Variants in RPRD2 observed in about 807,000 individuals in gnomAD.
The protein encoded by RPRD2 is regulation of nuclear pre-mRNA domain-containing protein 2.
A neutral mutation model predicts 104.4 loss-of-function variants in RPRD2; 12 were observed. That is an observed-to-expected ratio of 0.11 (90% CI 0.07 to 0.19). The LOEUF is 0.19. Among genes scored for constraint, RPRD2 ranks in the 10% least tolerant of loss-of-function variants. The pLI is 1.00. For missense variants in RPRD2, 1,543 were observed against 1,790.1 expected (o/e 0.86, Z 2.49); for synonymous variants, 714 against 684.9 (o/e 1.04, Z -0.66).
rs138291213 is a variant in RPRD2 at position 150,378,907 on chromosome 1, C to T, written c.205+13988C>T. Among the ~76,000 whole-genome samples, 66 of 147,070 alleles carry T rather than the reference C, an allele frequency of 4.5e-4. 1 individual carries two copies. In the East Asian group the frequency reaches 0.011, roughly 25 times the overall value. ...CTGAGGCAGGATAATCCCTTGGACC[C>T]GGAGGTGGAAGTTGCAGTGAGCCGA... On this transcript the variant is annotated intron_variant, in intron 1 of 10. Transcript: ENST00000369068.
Position 150,439,367 on chromosome 1 carries a change from G to A in RPRD2, c.336-1556G>A, listed in dbSNP as rs587773969. 4.6e-5 allele frequency among the ~76,000 whole-genome samples: 7 copies of A among 151,042 alleles called. No homozygotes were observed. The South Asian group carries it at 1.3e-3, about 27-fold the overall frequency. On this transcript the variant is annotated intron_variant, in intron 2 of 10. Transcript: ENST00000369068. ...ACAATAAAGCAAATATTGCAATAAA[G>A]CATGTCACACGCAGGTGGATCGCTT...
intron 10 of RPRD2, among the ~76,000 whole-genome samples, chr1:150,466,605 T>C (rs1307072995): frequency 6.6e-6 from 1 of 151,840 alleles, no homozygotes; most frequent in Non-Finnish European, 1.5e-5. Flanking sequence ...TAATGTTTTA[T>C]AGAGGCTTCA....
intron 2 of RPRD2, among the ~76,000 whole-genome samples, chr1:150,426,412 G>C (rs1316083405): frequency 6.6e-5 from 10 of 152,130 alleles, no homozygotes; most frequent in African/African-American, 2.4e-4. Flanking sequence ...TCGTGCTTCA[G>C]TTTTCCCATC....
intron 1 of RPRD2, among the ~76,000 whole-genome samples, chr1:150,388,340 A>G (rs1270560103): frequency 6.8e-6 from 1 of 147,826 alleles, no homozygotes; most frequent in Non-Finnish European, 1.5e-5. Flanking sequence ...ATACATGTGT[A>G]TATACACACA....
chr1:150,412,724 A>G (rs879997000), intron 1 of RPRD2, among the ~76,000 whole-genome samples: 10 of 152,168 alleles, frequency 6.6e-5, no homozygotes, highest in Admixed American at 4.6e-4. Flanking sequence ...ATGATAAATA[A>G]TTGGACAATT....
At chr1:150,439,331 T>C (rs1214826206) in intron 2 of RPRD2, among the ~76,000 whole-genome samples, 4 of 152,118 alleles carry the variant, frequency 2.6e-5, no homozygotes, top group African/African-American at 9.7e-5. Flanking sequence ...AGATTTCAGT[T>C]CCAAACCACC....
At chr1:150,404,663 A>G (rs1047262511) in intron 1 of RPRD2, among the ~76,000 whole-genome samples, 1 of 152,086 alleles carries the variant, frequency 6.6e-6, no homozygotes, top group Non-Finnish European at 1.5e-5. Flanking sequence ...TGCCCAGGCT[A>G]GTCTCAAACT....
At chr1:150,428,655 C>T (rs1322064979) in intron 2 of RPRD2, among the ~76,000 whole-genome samples, 1 of 151,908 alleles carries the variant, frequency 6.6e-6, no homozygotes, top group Admixed American at 6.6e-5. Flanking sequence ...CAACCCATTA[C>T]TTAGTCTTTT....
At chr1:150,425,168 TTAA>T (rs1383109172) in intron 2 of RPRD2, among the ~76,000 whole-genome samples, 3 of 152,066 alleles carry the variant, frequency 2.0e-5, no homozygotes, top group African/African-American at 4.8e-5. Flanking sequence ...AACTAAAGAG[TTAA>T]TAATATATAT....
chr1:150,422,510 T>C (rs1163649761), intron 2 of RPRD2, among the ~76,000 whole-genome samples: 1 of 152,030 alleles, frequency 6.6e-6, no homozygotes, highest in Non-Finnish European at 1.5e-5. Flanking sequence ...TGGCAGGTAA[T>C]ATAGATGAGT....
At chr1:150,375,856 A>G (rs1660644409) in intron 1 of RPRD2, among the ~76,000 whole-genome samples, 1 of 152,320 alleles carries the variant, frequency 6.6e-6, no homozygotes, top group Admixed American at 6.5e-5. Context: ...AAAATTACCC[A>G]AGAACAGAAC....
chr1:150,427,376 G>A (rs1338978179), intron 2 of RPRD2, among the ~76,000 whole-genome samples: 1 of 151,934 alleles, frequency 6.6e-6, no homozygotes, highest in Non-Finnish European at 1.5e-5. Flanking sequence ...GGGAAGCTAA[G>A]GCAGGAGAAT....
intron 2 of RPRD2, among the ~76,000 whole-genome samples, chr1:150,435,808 TCAG>T (rs1665949895): frequency 6.6e-6 from 1 of 152,226 alleles, no homozygotes; most frequent in Non-Finnish European, 1.5e-5. Context: ...GCTCCAGTAA[TCAG>T]CAGATTTTCA....
chr1:150,364,969 A>C, intron 1 of RPRD2, 50 bp downstream of exon 1: 1 of 1,586,338 alleles, frequency 6.3e-7, no homozygotes, highest in Non-Finnish European at 8.6e-7. Flanking sequence ...AATGGAAGGA[A>C]GTGTGGCCTG....
At position 150,464,618 on chromosome 1, in the gene RPRD2, A is replaced by G; in HGVS notation, c.1503A>G (p.Thr501=). The G allele has an allele frequency of 6.2e-7, 1 of 1,612,012 alleles. No individual in the cohort carries two copies. Among genetic ancestry groups the G allele is most frequent in the Non-Finnish European group, 8.5e-7 (1 of 1,179,064 alleles). ...TGAAAACACCTGCACCTGCCACGAC[A>G]ACATCTCACAACCCTCTGGCAAATA... ...SGLKTPAPAT[T]TSHNPLANIL... The change falls in exon 10 of 11, where the codon ACA becomes ACG. Residue 501 remains threonine (T), a synonymous_variant. Transcript: ENST00000369068.
intron 1 of RPRD2, among the ~76,000 whole-genome samples, chr1:150,376,751 T>A (rs936808420): frequency 6.6e-6 from 1 of 151,188 alleles, no homozygotes. Flanking sequence ...CCGCCCGCCT[T>A]GGCCTCCCAA....
chr1:150,464,791 G>A (rs1269438346), intron 10 of RPRD2, 64 bp downstream of exon 10: 41 of 1,262,946 alleles, frequency 3.2e-5, no homozygotes, highest in Middle Eastern at 4.0e-4. Context: ...AATTAATCCT[G>A]GATTCCATTT....
rs1011650726 is a variant in RPRD2, at chr1:150,419,607, G to A, written c.335+1882G>A. Among the ~76,000 whole-genome samples, 10 of 152,154 alleles carry A rather than the reference G, an allele frequency of 6.6e-5. No individual in the cohort carries two copies. In the South Asian group the frequency reaches 1.2e-3, roughly 19 times the overall value. ...TTTTGAGAACAACTTTATACCGTGG[G>A]CACTATTGTTACCTTAATTTTTTCT... is the stretch of plus-strand genomic sequence containing the variant. On this transcript the variant is annotated intron_variant, in intron 2 of 10. Coordinates refer to ENST00000369068, the MANE Select transcript of RPRD2 (RefSeq NM_015203.5).
At position 150,364,686 on chromosome 1, in the gene RPRD2, G is replaced by A. The variant is rs1553876836; in HGVS notation, c.-29G>A. 1 of 1,386,692 alleles carries A rather than the reference G, an allele frequency of 7.2e-7. No homozygotes were observed. The highest frequency in any genetic ancestry group is 9.9e-7 in the Non-Finnish European group (1 of 1,006,232). The allele number at this position is 1,386,692 out of a possible 1,614,324, so 85.9% of individuals were successfully genotyped here. A position where few individuals can be genotyped will look rare whatever the true frequency, so the allele number is the denominator to read the frequency against. The stretch of plus-strand genomic sequence containing the variant: ...GCCGCCGCCGCCGCCGCCGCCAGAG[G>A]AGCAGCAGCGCTTGTGCAAACCGGG... On this transcript the variant is annotated 5_prime_UTR_variant, in exon 1 of 11. Transcript: ENST00000369068.
Sources: allele counts gnomAD v4.1 joint callset (sites outside exome capture counted in the v4.1 genomes callset), GRCh38; gene constraint gnomAD v4.1.1; transcripts MANE v1.5; gene names NCBI Gene and HGNC (gene_info 2026-07-23, HGNC 2026-07-21).